Variants in CLCA4 observed in about 807,000 individuals in gnomAD.
The protein encoded by CLCA4 is calcium-activated chloride channel regulator 4.
In CLCA4, 69 loss-of-function variants were observed where a neutral mutation model predicts 78.9. The ratio of observed to expected loss-of-function variants is 0.87; its 90% CI spans 0.72 to 1.07. The LOEUF (loss-of-function observed/expected upper bound fraction) is 1.07, where lower values mean the gene tolerates loss of function less well. Among genes scored for constraint, CLCA4 ranks in the 50% least tolerant of loss-of-function variants. The pLI is 0.00. For synonymous variants in CLCA4, 362 were observed against 375.8 expected (o/e 0.96, Z 0.42); for missense variants, 1,133 against 1,095.8 (o/e 1.03, Z -0.48).
intron 3 of CLCA4, among the ~76,000 whole-genome samples, chr1:86,563,172 T>C (rs772604): frequency 0.8 from 120,634 of 151,498 alleles, 48,408 homozygotes; most frequent in East Asian, 0.94. Flanking sequence ...CTCAAAACTT[T>C]CCCAAGTGAA....
At chr1:86,579,058 T>A (rs1650619747) in intron 12 of CLCA4, among the ~76,000 whole-genome samples, 1 of 151,964 alleles carries the variant, frequency 6.6e-6, no homozygotes, top group African/African-American at 2.4e-5. Context: ...GTGCAGATAA[T>A]TCAAGAGGTA....
chr1:86,552,677 A>C, intron 1 of CLCA4: 1 of 985,716 alleles, frequency 1.0e-6, no homozygotes, highest in African/African-American at 1.6e-5. Context: ...GGACTTGCAG[A>C]TGGAGCTGGG....
chr1:86,562,966 G>C (rs115760002), intron 3 of CLCA4, among the ~76,000 whole-genome samples: 1,835 of 151,724 alleles, frequency 0.012, 42 homozygotes, highest in African/African-American at 0.042. Context: ...TTGAGCTACA[G>C]AAACACACAT....
At chr1:86,553,278 GC>G in intron 1 of CLCA4, 2 of 773,862 alleles carry the variant, frequency 2.6e-6, no homozygotes, top group South Asian at 1.6e-5. Flanking sequence ...CTTCAAGCCG[GC>G]CAGGGCTCCC....
At chr1:86,564,141 G>A (rs1478545117) in intron 4 of CLCA4, among the ~76,000 whole-genome samples, 2 of 152,076 alleles carry the variant, frequency 1.3e-5, no homozygotes, top group Non-Finnish European at 2.9e-5. Context: ...AAGAAATCAA[G>A]CAGCTTCAAG....
chr1:86,564,905 G>A (rs1332854293), intron 4 of CLCA4, among the ~76,000 whole-genome samples: 1 of 152,000 alleles, frequency 6.6e-6, no homozygotes, highest in East Asian at 1.9e-4. Flanking sequence ...AGAACTTCAA[G>A]CTAAAGTGGT....
intron 1 of CLCA4, chr1:86,553,477 A>C (rs2101791470): frequency 6.3e-6 from 2 of 317,622 alleles, no homozygotes; most frequent in Non-Finnish European, 5.7e-6. Context: ...ATCCTGTCCG[A>C]CCCGCGAGTC....
chr1:86,555,182 C>A (rs1357566564), intron 1 of CLCA4, among the ~76,000 whole-genome samples: 1 of 152,108 alleles, frequency 6.6e-6, no homozygotes, highest in Non-Finnish European at 1.5e-5. Context: ...TTGATAGTTC[C>A]TTTTGCTGTG....
intron 1 of CLCA4, chr1:86,553,059 G>T: frequency 1.5e-6 from 1 of 661,372 alleles, no homozygotes; most frequent in East Asian, 2.6e-5. Flanking sequence ...GAATCTCCAT[G>T]AAGACCAAGT....
At chr1:86,554,969 CT>C (rs1404048384) in intron 1 of CLCA4, among the ~76,000 whole-genome samples, 1 of 151,444 alleles carries the variant, frequency 6.6e-6, no homozygotes, top group Non-Finnish European at 1.5e-5. Context: ...TGATACTGAG[CT>C]TTTTTTCACT....
chr1:86,547,286 C>T lies in CLCA4; in HGVS notation c.159+8C>T, dbSNP rs1212219592. 1.9e-6 allele frequency: 3 copies of T among 1,556,102 alleles called. No homozygotes were observed. Among genetic ancestry groups the T allele is most frequent in the South Asian group, 1.2e-5 (1 of 81,616 alleles). On this transcript the variant is annotated splice_region_variant and intron_variant, in intron 1 of 13. Transcript: ENST00000370563. ...ATAATTGAACAAATAGAGGTAAGAA[C>T]AAAATGGAATATCTTTCATTAATTT...
At position 86,560,063 on chromosome 1, in the gene CLCA4, C is replaced by T. The variant is rs933443767; in HGVS notation, c.291C>T (p.Asn97=). The change falls in exon 2 of 14, where the codon AAC becomes AAT. Residue 97 remains asparagine, a synonymous_variant. Coordinates refer to ENST00000370563, the MANE Select transcript of CLCA4 (RefSeq NM_012128.4). ...NPQYKRPKHE[N]HKHADVIVAP... is the part of the protein sequence containing the mutation. Reference sequence around the variant, plus strand: ...AGTACAAAAGGCCAAAACATGAAAACCATAAACATGTAAGTGTCGAAATAT... The same window carrying T: ...AGTACAAAAGGCCAAAACATGAAAATCATAAACATGTAAGTGTCGAAATAT... 1.9e-6 allele frequency: 3 copies of T among 1,589,380 alleles called. No individual in the cohort carries two copies. The highest frequency in any genetic ancestry group is 3.8e-5 in the Admixed American group (2 of 52,866).
In CLCA4 at chr1:86,566,033, T is replaced by C. The variant is rs376171151; in HGVS notation, c.954+13T>C. ...TGGAAGCATGGGGGTAAGATCACTT[T>C]TTCTGGATATAGGGATGTAGGATAT... On this transcript the variant is annotated intron_variant, in intron 6 of 13. Transcript: ENST00000370563. The C allele has an allele frequency of 2.7e-5, 44 of 1,603,404 alleles. No individual in the cohort carries two copies. In the African/African-American group the frequency reaches 4.9e-4, roughly 18 times the overall value.
chr1:86,567,203 T>C (rs1195649867), intron 6 of CLCA4, among the ~76,000 whole-genome samples: 1 of 151,976 alleles, frequency 6.6e-6, no homozygotes, highest in Non-Finnish European at 1.5e-5. Flanking sequence ...CAAGAATCAA[T>C]TGTAAATAAA....
In CLCA4 at chr1:86,574,761, CAAT is replaced by C; in HGVS notation, c.1683+7_1683+9del. ...GTATTCCAGGAACTGCAAAGGTAAG[CAAT>C]CAGCTTTTAGACTTCCTGTCAACAT... On this transcript the variant is annotated splice_region_variant and intron_variant, in intron 10 of 13. Transcript: ENST00000370563. 6.2e-7 allele frequency: 1 copy of C among 1,601,454 alleles called. No individual in the cohort carries two copies. Among genetic ancestry groups the C allele is most frequent in the Non-Finnish European group, 8.6e-7 (1 of 1,169,000 alleles).
At chr1:86,549,331 A>T (rs1649590724) in intron 1 of CLCA4, among the ~76,000 whole-genome samples, 1 of 152,238 alleles carries the variant, frequency 6.6e-6, no homozygotes, top group Non-Finnish European at 1.5e-5. Context: ...ACAGCTATGA[A>T]TGAGCAGGAG....
rs1649963181 is a variant in CLCA4, at chr1:86,559,956, T to C, written c.184T>C (p.Tyr62His). 3 of 1,600,634 alleles carry C rather than the reference T, an allele frequency of 1.9e-6. No individual in the cohort carries two copies. Among genetic ancestry groups the C allele is most frequent in the Non-Finnish European group, 2.6e-6 (3 of 1,174,726 alleles). ...GGATATGGTGACTACAGCTTCTACGTACCTGTTTGAAGCCACAGAAAAAAG... is the reference window on the plus strand; with the variant it reads ...GGATATGGTGACTACAGCTTCTACGCACCTGTTTGAAGCCACAGAAAAAAG... Reference protein sequence around the residue: ...IEDMVTTASTYLFEATEKRFF... With the variant: ...IEDMVTTASTHLFEATEKRFF... Residue 62 changes from tyrosine (Y) to histidine (H), a missense_variant, in exon 2 of 14, where the codon TAC (tyrosine) becomes CAC (histidine). Coordinates refer to ENST00000370563, the MANE Select transcript of CLCA4 (RefSeq NM_012128.4).
chr1:86,550,140 G>T (rs1649612856), intron 1 of CLCA4, among the ~76,000 whole-genome samples: 1 of 152,178 alleles, frequency 6.6e-6, no homozygotes, highest in Non-Finnish European at 1.5e-5. Context: ...CCAGCAGAAG[G>T]TGATAGGCAT....
chr1:86,556,321 A>G (rs111604344), intron 1 of CLCA4, among the ~76,000 whole-genome samples: 199 of 152,314 alleles, frequency 1.3e-3, no homozygotes, highest in African/African-American at 4.5e-3. Flanking sequence ...CCCATTCAGT[A>G]TAATGTTGGC....
Sources: gnomAD v4.1 joint callset for allele counts (sites outside exome capture counted in the v4.1 genomes callset) on GRCh38, gnomAD v4.1.1 for gene constraint, MANE v1.5 for transcripts, NCBI Gene and HGNC (gene_info 2026-07-23, HGNC 2026-07-21) for gene names.